The following MEGF9 variants were observed in gnomAD, a reference collection of about 807,000 sequenced individuals.
The protein encoded by MEGF9 is multiple epidermal growth factor-like domains protein 9.
A neutral mutation model predicts 46.8 loss-of-function variants in MEGF9; 6 were observed. The ratio of observed to expected loss-of-function variants is 0.13; its 90% CI spans 0.07 to 0.25. MEGF9 has a LOEUF of 0.25. MEGF9 is among the 10% of genes least tolerant of loss of function. The pLI is 1.00. For missense variants in MEGF9, 683 were observed against 792.4 expected, an observed-to-expected ratio of 0.86 and a Z score of 1.66; for synonymous variants, 302 against 330.7, an observed-to-expected ratio of 0.91 and a Z score of 0.94.
At chr9:120,695,917 G>A (rs528080141) in intron 1 of MEGF9, among the ~76,000 whole-genome samples, 1 of 152,294 alleles carries the variant, frequency 6.6e-6, no homozygotes, top group African/African-American at 2.4e-5. Context: ...GCCAGTCATT[G>A]AGGTTCCAAC....
chr9:120,702,915 G>A (rs1381669677), intron 1 of MEGF9, among the ~76,000 whole-genome samples: 1 of 152,156 alleles, frequency 6.6e-6, no homozygotes. Context: ...GCTTTTACTA[G>A]ACAGATAACT....
At chr9:120,692,312 A>G (rs1172878559) in intron 1 of MEGF9, among the ~76,000 whole-genome samples, 1 of 152,238 alleles carries the variant, frequency 6.6e-6, no homozygotes, top group African/African-American at 2.4e-5. Context: ...TCTATGTGTT[A>G]TACCAACAAG....
intron 2 of MEGF9, among the ~76,000 whole-genome samples, chr9:120,639,201 G>A (rs1265572686): frequency 2.0e-5 from 3 of 151,784 alleles, no homozygotes; most frequent in African/African-American, 7.3e-5. Flanking sequence ...GAGTATTTTA[G>A]TGAAATAGTT....
intron 1 of MEGF9, chr9:120,691,475 C>A (rs867318827): frequency 2.2e-6 from 1 of 453,422 alleles, no homozygotes; most frequent in Non-Finnish European, 4.5e-6. Flanking sequence ...CACTGATGCC[C>A]TGAACAAGAA....
At chr9:120,642,481 T>G (rs536689744) in intron 2 of MEGF9, among the ~76,000 whole-genome samples, 1 of 152,300 alleles carries the variant, frequency 6.6e-6, no homozygotes, top group East Asian at 1.9e-4. Flanking sequence ...AAGAACAAAA[T>G]GGATGAGTTG....
At chr9:120,674,953 A>G (rs909288087) in intron 1 of MEGF9, among the ~76,000 whole-genome samples, 1 of 149,346 alleles carries the variant, frequency 6.7e-6, no homozygotes, top group African/African-American at 2.5e-5. Flanking sequence ...ATCTCGGCTC[A>G]CTGCAAGCTC....
At chr9:120,627,343 T>C (rs1217638208) in intron 2 of MEGF9, among the ~76,000 whole-genome samples, 1 of 152,258 alleles carries the variant, frequency 6.6e-6, no homozygotes, top group African/African-American at 2.4e-5. Flanking sequence ...CAAGAAAGTC[T>C]ATTTTCTTCC....
At chr9:120,706,558 G>A (rs1463688663) in intron 1 of MEGF9, among the ~76,000 whole-genome samples, 1 of 152,178 alleles carries the variant, frequency 6.6e-6, no homozygotes, top group Non-Finnish European at 1.5e-5. Context: ...GAGGTGGCTG[G>A]GCACGGTGTC....
intron 2 of MEGF9, among the ~76,000 whole-genome samples, chr9:120,654,928 T>C (rs556113955): frequency 2.1e-3 from 322 of 152,202 alleles, no homozygotes; most frequent in African/African-American, 7.5e-3. Context: ...AAAAAGCTTA[T>C]AGAATAAGGA....
chr9:120,606,463 G>GA (rs2043420864), intron 5 of MEGF9, among the ~76,000 whole-genome samples: 1 of 152,230 alleles, frequency 6.6e-6, no homozygotes, highest in Admixed American at 6.5e-5. Context: ...GTCTGAGGCT[G>GA]ACATCAGCCA....
chr9:120,625,890 T>C (rs73550166), intron 2 of MEGF9, among the ~76,000 whole-genome samples: 8,420 of 148,648 alleles, frequency 0.057, 791 homozygotes, highest in African/African-American at 0.19. Context: ...AATATAAAGC[T>C]TTGCCTGTGT....
chr9:120,611,866 A>AGG (rs1491180893), intron 4 of MEGF9, among the ~76,000 whole-genome samples: 46 of 26,868 alleles, frequency 1.7e-3, no homozygotes, highest in African/African-American at 3.1e-3. Context: ...GAAGGAAGAA[A>AGG]GAGAGAGAGA....
chr9:120,714,029 TC>T lies in MEGF9; in HGVS notation c.329del (p.Gly110AspfsTer51). ...PETTPLWATAGPSSTTFQAPL... is the reference protein window; with the variant it reads ...PETTPLWATAXPSSTTFQAPL... ...GCGCCTGAAAGGTGGTGGAAGAGGG[TC>T]CAGCAGTCGCCCAAAGAGGGGTGGT... On this transcript the variant is annotated frameshift_variant, in exon 1 of 6. Transcript: ENST00000373930. LOFTEE classifies it high-confidence loss of function. 7.5e-7 allele frequency: 1 copy of T among 1,339,796 alleles called. No homozygotes were observed. 83.0% of individuals were successfully genotyped at this position (1,339,796 alleles called of 1,614,324 possible).
rs902022552 is a variant in MEGF9 at position 120,713,949 on chromosome 9, G to A, written c.410C>T (p.Ser137Phe). ...PPAAERTSTTSQAPTRPAPTT... is the reference protein window; with the variant it reads ...PPAAERTSTTFQAPTRPAPTT... ...CGGCGCGGGTCTGGTCGGCGCCTGAGAGGTGGTCGAAGTGCGTTCCGCCGC... is the reference window on the plus strand; with the variant it reads ...CGGCGCGGGTCTGGTCGGCGCCTGAAAGGTGGTCGAAGTGCGTTCCGCCGC... The change falls in exon 1 of 6, where the codon TCT becomes TTT. Residue 137 changes from serine to phenylalanine, a missense_variant. Physicochemically the swap from Ser to Phe is radical, Grantham distance 155. This residue lies in a region of MEGF9 where 370 missense variants were observed against 371.3 expected (regional missense o/e 1.00). Transcript: ENST00000373930. 6.5e-5 allele frequency: 90 copies of A among 1,382,008 alleles called. No homozygotes were observed. The highest frequency in any genetic ancestry group is 8.2e-5 in the Non-Finnish European group (87 of 1,064,294). The allele number at this position is 1,382,008 out of a possible 1,614,324, so 85.6% of individuals were successfully genotyped here.
chr9:120,709,742 A>C (rs2043944362), intron 1 of MEGF9, among the ~76,000 whole-genome samples: 1 of 152,218 alleles, frequency 6.6e-6, no homozygotes, highest in South Asian at 2.1e-4. Context: ...CTAAGGGTCC[A>C]TAATTTTTAA....
At chr9:120,653,648 A>G (rs1413465059) in intron 2 of MEGF9, among the ~76,000 whole-genome samples, 1 of 152,182 alleles carries the variant, frequency 6.6e-6, no homozygotes, top group African/African-American at 2.4e-5. Context: ...CTGGGATTAC[A>G]GGCGTGGGCC....
At chr9:120,648,033 C>T (rs1168485161) in intron 2 of MEGF9, among the ~76,000 whole-genome samples, 1 of 151,962 alleles carries the variant, frequency 6.6e-6, no homozygotes, top group Non-Finnish European at 1.5e-5. Flanking sequence ...TTGTCAATGC[C>T]AATATTAATA....
chr9:120,632,337 T>G lies in MEGF9; in HGVS notation c.804-9582A>C, dbSNP rs946196704. On this transcript the variant is annotated intron_variant, in intron 2 of 5. Transcript: ENST00000373930. Reference sequence around the variant, plus strand: ...TCTTGGATAAATTTATTCCTAAGTGTTTTTTTTTTTTTTTGGAGCTATTTT... The same window carrying G: ...TCTTGGATAAATTTATTCCTAAGTGGTTTTTTTTTTTTTTGGAGCTATTTT... Among the ~76,000 whole-genome samples the G allele has an allele frequency of 3.1e-4, 4 of 13,004 alleles. No individual in the cohort carries two copies. In the Admixed American group the frequency reaches 3.3e-3, roughly 11 times the overall value. 8.5% of individuals were successfully genotyped at this position (13,004 alleles called of 152,430 possible). A position where few individuals can be genotyped will look rare whatever the true frequency, so the allele number is the denominator to read the frequency against.
chr9:120,666,396 T>G (rs531178899), intron 1 of MEGF9, among the ~76,000 whole-genome samples: 4 of 152,190 alleles, frequency 2.6e-5, no homozygotes, highest in African/African-American at 9.7e-5. Context: ...GCAAATATTA[T>G]AGGAACATCC....
Sources: allele counts gnomAD v4.1 joint callset (sites outside exome capture counted in the v4.1 genomes callset), GRCh38; gene constraint gnomAD v4.1.1; regional missense constraint gnomAD v4.1.1; transcripts MANE v1.5; gene names NCBI Gene and HGNC (gene_info 2026-07-23, HGNC 2026-07-21).